RNH1: variants seen among roughly 807,000 people sequenced by gnomAD.
RNH1 encodes ribonuclease/angiogenin inhibitor 1, also known as ribonuclease inhibitor.
In RNH1, 38 loss-of-function variants were observed where a neutral mutation model predicts 46.1. That is an observed-to-expected ratio of 0.82 (90% CI 0.64 to 1.08). The LOEUF is 1.08. RNH1 is among the 50% of genes least tolerant of loss of function. The pLI is 0.00. For synonymous variants in RNH1, 319 were observed against 279.1 expected (o/e 1.14, Z -1.43); for missense variants, 577 against 590.7 (o/e 0.98, Z 0.24).
intron 8 of RNH1, 28 bp downstream of exon 8, chr11:498,429 A>C: frequency 6.2e-7 from 1 of 1,608,318 alleles, no homozygotes. Context: ...CTTGGGCGAC[A>C]GGGCCCTGCC....
In RNH1 at chr11:502,724, G is replaced by A; in HGVS notation, c.-87-475C>T. On this transcript the variant is annotated intron_variant, in intron 2 of 10. Transcript: ENST00000354420. The surrounding 1 kb of genome is among the most constrained non-coding windows in gnomAD (Gnocchi z 5.8). ...TGCCAGGATCCTGGACCCGGCCACAGTGTCCGAAGCAAGACAGAGCAGGGG... is the reference window on the plus strand; with the variant it reads ...TGCCAGGATCCTGGACCCGGCCACAATGTCCGAAGCAAGACAGAGCAGGGG... The A allele has an allele frequency of 6.2e-6, 1 of 162,082 alleles. No individual in the cohort carries two copies. Among genetic ancestry groups the A allele is most frequent in the South Asian group, 1.6e-4 (1 of 6,216 alleles). 10.0% of individuals were successfully genotyped at this position (162,082 alleles called of 1,614,324 possible).
rs1462396166 is a variant in RNH1 at position 502,519 on chromosome 11, C to G, written c.-87-270G>C. ...CACAGAGGGCGGGACAGCAGCAGCC[C>G]GGGAAGCCCCTGCCTCTCATTTGCT... is the stretch of plus-strand genomic sequence containing the variant. On this transcript the variant is annotated intron_variant, in intron 2 of 10. Transcript: ENST00000354420. This position sits in a 1 kb window ranked among gnomAD's most constrained non-coding sequence, Gnocchi z 5.8. The G allele has an allele frequency of 2.8e-6, 1 of 351,888 alleles. No individual in the cohort carries two copies. The highest frequency in any genetic ancestry group is 2.1e-5 in the African/African-American group (1 of 48,596). 21.8% of individuals were successfully genotyped at this position (351,888 alleles called of 1,614,324 possible). A position where few individuals can be genotyped will look rare whatever the true frequency, so the allele number is the denominator to read the frequency against.
chr11:498,547 A>G lies in RNH1; in HGVS notation c.866T>C (p.Leu289Pro), dbSNP rs1849385438. ...VLRAKESLKE[L>P]SLAGNELGDE... ...CCCCAGCTCGTTGCCGGCCAGGCTGAGCTCCTTCAGGCTCTCCTTGGCCCT... is the reference window on the plus strand; with the variant it reads ...CCCCAGCTCGTTGCCGGCCAGGCTGGGCTCCTTCAGGCTCTCCTTGGCCCT... Residue 289 changes from leucine (L) to proline (P), a missense_variant, in exon 8 of 11, where the codon CTC (leucine) becomes CCC (proline). Physicochemically the swap from Leu to Pro is moderately conservative, Grantham distance 98. Transcript: ENST00000354420. 6.2e-7 allele frequency: 1 copy of G among 1,613,210 alleles called. No homozygotes were observed. Among genetic ancestry groups the G allele is most frequent in the Non-Finnish European group, 8.5e-7 (1 of 1,180,016 alleles).
chr11:505,078 T>C (rs1313050907), intron 1 of RNH1, 82 bp from the exon 2 acceptor site: 1 of 152,040 alleles, frequency 6.6e-6, no homozygotes, highest in South Asian at 2.1e-4. Flanking sequence ...ATATCTTAAA[T>C]GTATTTCATT....
rs1235168606 is a variant in RNH1 at position 495,021 on chromosome 11, C to T, written c.1160G>A (p.Cys387Tyr). The stretch of plus-strand genomic sequence containing the variant: ...CAACAGGGTTGCGGCGAGGCTGCTG[C>T]AGCTGCTGTCACTCACATCGCAGTC... The part of the protein sequence containing the change: ...LADCDVSDSS[C>Y]SSLAATLLAN... The change falls in exon 10 of 11, where the codon TGC (cysteine) becomes TAC (tyrosine). Residue 387 changes from cysteine to tyrosine, a missense_variant. Coordinates refer to ENST00000354420, the MANE Select transcript of RNH1 (RefSeq NM_203387.3). The T allele has an allele frequency of 8.7e-6, 14 of 1,604,628 alleles. No homozygotes were observed. The highest frequency in any genetic ancestry group is 3.3e-5 in the South Asian group (3 of 89,738).
chr11:505,484 A>C (rs1175335602), intron 1 of RNH1: 3 of 152,246 alleles, frequency 2.0e-5, no homozygotes, highest in African/African-American at 2.4e-5. Flanking sequence ...AGAGGAAAAG[A>C]AGCAGATTCT....
At position 501,897 on chromosome 11, in the gene RNH1, CAAAA is replaced by C. The variant is rs948726678; in HGVS notation, c.101+161_101+164del. On this transcript the variant is annotated intron_variant, in intron 3 of 10. Coordinates refer to ENST00000354420, the MANE Select transcript of RNH1 (RefSeq NM_203387.3). The surrounding 1 kb of genome is among the most constrained non-coding windows in gnomAD (Gnocchi z 4.1). ...AATGGGTTTTACATTCCTAAATTGT[CAAAA>C]AGAAACACAAGAATCACATCTCATG... 5.6e-5 allele frequency: 34 copies of C among 609,218 alleles called. No homozygotes were observed. Among genetic ancestry groups the C allele is most frequent in the Non-Finnish European group, 9.7e-5 (33 of 341,148 alleles). 37.7% of individuals were successfully genotyped at this position (609,218 alleles called of 1,614,324 possible).
Position 502,470 on chromosome 11 carries a change from C to G in RNH1, c.-87-221G>C. The stretch of plus-strand genomic sequence containing the variant: ...CATCTCCTGGCTATCACCACCCAGC[C>G]TCTGTGGGCACCTCCTCCTGCCCCA... On this transcript the variant is annotated intron_variant, in intron 2 of 10. Coordinates refer to ENST00000354420, the MANE Select transcript of RNH1 (RefSeq NM_203387.3). This position sits in a 1 kb window ranked among gnomAD's most constrained non-coding sequence, Gnocchi z 5.8. 1 of 451,878 alleles carries G rather than the reference C, an allele frequency of 2.2e-6. No homozygotes were observed. The highest frequency in any genetic ancestry group is 4.1e-6 in the Non-Finnish European group (1 of 244,664). The allele number at this position is 451,878 out of a possible 1,614,324, so 28.0% of individuals were successfully genotyped here.
chr11:501,063 G>GCCCA lies in RNH1; in HGVS notation c.102-410_102-409insTGGG. ...GGATCACTTGAGCCCAGGAGGTTGA[G>GCCCA]GCCGCATAAGCCATGAGGGAGCCAC... On this transcript the variant is annotated intron_variant, in intron 3 of 10. Coordinates refer to ENST00000354420, the MANE Select transcript of RNH1 (RefSeq NM_203387.3). The surrounding 1 kb of genome is among the most constrained non-coding windows in gnomAD (Gnocchi z 4.1). The GCCCA allele has an allele frequency of 2.8e-6, 1 of 354,446 alleles. No individual in the cohort carries two copies. Among genetic ancestry groups the GCCCA allele is most frequent in the Non-Finnish European group, 5.5e-6 (1 of 180,524 alleles). The allele number at this position is 354,446 out of a possible 1,614,324, so 22.0% of individuals were successfully genotyped here.
In RNH1 at chr11:499,137, G is replaced by A. The variant is rs370750033; in HGVS notation, c.492C>T (p.Ser164=). The change falls in exon 6 of 11, where the codon TCC becomes TCT. Residue 164 remains serine (S), a synonymous_variant. Coordinates refer to ENST00000354420, the MANE Select transcript of RNH1 (RefSeq NM_203387.3). ...TGAAGTCCGGCTTGGCCCTGAGCAC[G>A]GAGGCCAGGGGCTCGCAGCTGGCAG... The part of the protein sequence containing the change: ...LSAASCEPLA[S]VLRAKPDFKE... 20 of 1,613,252 alleles carry A rather than the reference G, an allele frequency of 1.2e-5. No homozygotes were observed. Among genetic ancestry groups the A allele is most frequent in the East Asian group, 6.7e-5 (3 of 44,870 alleles).
Position 504,954 on chromosome 11 carries a change from T to C in RNH1, c.-218A>G, listed in dbSNP as rs763142992. On this transcript the variant is annotated 5_prime_UTR_variant, in exon 2 of 11. Transcript: ENST00000354420. ...GCGCCGCTCGGCCGTCCTCAAAACT[T>C]TGGACACACCCTCCGTTTCTGTCAG... The C allele has an allele frequency of 6.6e-6, 1 of 152,214 alleles. No individual in the cohort carries two copies. The highest frequency in any genetic ancestry group is 1.5e-5 in the Non-Finnish European group (1 of 68,042). 9.4% of individuals were successfully genotyped at this position (152,214 alleles called of 1,614,324 possible).
Position 507,199 on chromosome 11 carries a change from C to A in RNH1, c.-347G>T, listed in dbSNP as rs1374846946. ...TCTCGAGCCAGCAGAACGGGTTGAACGTGTCGACAACCCCACCCGCCAGTC... is the reference window on the plus strand; with the variant it reads ...TCTCGAGCCAGCAGAACGGGTTGAAAGTGTCGACAACCCCACCCGCCAGTC... On this transcript the variant is annotated 5_prime_UTR_variant, in exon 1 of 11. Transcript: ENST00000354420. The A allele has an allele frequency of 6.6e-6, 1 of 152,048 alleles. No homozygotes were observed. Among genetic ancestry groups the A allele is most frequent in the Non-Finnish European group, 1.5e-5 (1 of 67,974 alleles). The allele number at this position is 152,048 out of a possible 1,614,324, so 9.4% of individuals were successfully genotyped here.
At chr11:499,689 A>G (rs1225716323) in intron 5 of RNH1, 140 bp downstream of exon 5, 1 of 1,012,508 alleles carries the variant, frequency 9.9e-7, no homozygotes, top group African/African-American at 1.8e-5. Flanking sequence ...ACCCAGCATC[A>G]TGGGGAAAGG....
At chr11:503,562 C>T (rs1483442101) in intron 2 of RNH1, 1 of 130,982 alleles carries the variant, frequency 7.6e-6, no homozygotes, top group Non-Finnish European at 1.6e-5. Context: ...CAAAACCGAC[C>T]AGGGTGTGGT....
At position 507,096 on chromosome 11, in the gene RNH1, C is replaced by G. The variant is rs1328822951; in HGVS notation, c.-261+17G>C. 6.6e-6 allele frequency: 1 copy of G among 152,236 alleles called. No homozygotes were observed. The highest frequency in any genetic ancestry group is 1.5e-5 in the Non-Finnish European group (1 of 68,068). 9.4% of individuals were successfully genotyped at this position (152,236 alleles called of 1,614,324 possible). ...CGAGGCCTGGCTAGACGCTGACGCACCGCTGGAGCTACTGACCTCGGGACG... is the reference window on the plus strand; with the variant it reads ...CGAGGCCTGGCTAGACGCTGACGCAGCGCTGGAGCTACTGACCTCGGGACG... On this transcript the variant is annotated intron_variant, in intron 1 of 10. Coordinates refer to ENST00000354420, the MANE Select transcript of RNH1 (RefSeq NM_203387.3).
Position 499,853 on chromosome 11 carries a change from G to A in RNH1, c.419C>T (p.Pro140Leu), listed in dbSNP as rs762894127. ...LQLLCEGLLD[P>L]QCRLEKLQLE... ...CTGCAGCTTTTCCAGGCGGCACTGG[G>A]GGTCCAGGAGTCCTTCGCAGAGCAG... Residue 140 changes from proline (P) to leucine (L), a missense_variant, in exon 5 of 11, where the codon CCC becomes CTC. Physicochemically the swap from Pro to Leu is moderately conservative, Grantham distance 98. Transcript: ENST00000354420. The A allele has an allele frequency of 1.1e-5, 17 of 1,610,774 alleles. No individual in the cohort carries two copies. The highest frequency in any genetic ancestry group is 1.7e-5 in the Admixed American group (1 of 59,726).
Position 498,105 on chromosome 11 carries a change from G to A in RNH1, c.993C>T (p.Ser331=). 6.2e-7 allele frequency: 1 copy of A among 1,614,004 alleles called. No individual in the cohort carries two copies. Among genetic ancestry groups the A allele is most frequent in the Non-Finnish European group, 8.5e-7 (1 of 1,180,026 alleles). The change falls in exon 9 of 11, where the codon TCC becomes TCT. Residue 331 remains serine (S), a synonymous_variant. Coordinates refer to ENST00000354420, the MANE Select transcript of RNH1 (RefSeq NM_203387.3). ...KSCSFTAACC[S]HFSSVLAQNR... is the part of the protein sequence containing the mutation. ...TCTGGGCCAGCACTGAGCTGAAGTGGGAGCAGCAGGCGGCTGTGAAGCTGC... is the reference window on the plus strand; with the variant it reads ...TCTGGGCCAGCACTGAGCTGAAGTGAGAGCAGCAGGCGGCTGTGAAGCTGC...
intron 7 of RNH1, 46 bp from the exon 8 acceptor site, chr11:498,673 G>T: frequency 6.2e-7 from 1 of 1,605,482 alleles, no homozygotes; most frequent in Non-Finnish European, 8.5e-7. Context: ...ACCGTCTCAT[G>T]GCCTGAGATG....
At chr11:499,341 G>A (rs1403124874) in intron 5 of RNH1, 156 bp from the exon 6 acceptor site, 15 of 768,834 alleles carry the variant, frequency 2.0e-5, no homozygotes, top group Non-Finnish European at 3.1e-5. Flanking sequence ...CTCATCCAGA[G>A]GCCCGGGCCT....
Sources: gnomAD v4.1 joint callset for allele counts on GRCh38, gnomAD v4.1.1 for gene constraint, Gnocchi (gnomAD v3.1) non-coding constraint, MANE v1.5 for transcripts, NCBI Gene and HGNC (gene_info 2026-07-23, HGNC 2026-07-21) for gene names.